The following CTTNBP2NL variants were observed in gnomAD, a reference collection of about 807,000 sequenced individuals.
CTTNBP2NL encodes the protein CTTNBP2 N-terminal like.
A neutral mutation model predicts 32.5 loss-of-function variants in CTTNBP2NL; 16 were observed. The ratio of observed to expected loss-of-function variants is 0.49; its 90% CI spans 0.33 to 0.75. The LOEUF (loss-of-function observed/expected upper bound fraction) is 0.75. CTTNBP2NL is among the 30% of genes least tolerant of loss of function. CTTNBP2NL has a pLI of 0.02. For missense variants in CTTNBP2NL, 645 were observed against 756.0 expected (o/e 0.85, Z 1.72); for synonymous variants, 298 against 289.4 (o/e 1.03, Z -0.30).
chr1:112,435,111 C>T (rs540191462), intron 3 of CTTNBP2NL, among the ~76,000 whole-genome samples: 1 of 141,346 alleles, frequency 7.1e-6, no homozygotes, highest in East Asian at 2.1e-4. Context: ...CCATTGCACT[C>T]CAGCCTGGGC....
At chr1:112,418,078 A>G (rs1649117075) in intron 3 of CTTNBP2NL, among the ~76,000 whole-genome samples, 2 of 152,172 alleles carry the variant, frequency 1.3e-5, no homozygotes, top group South Asian at 2.1e-4. Flanking sequence ...AGTAAAAAAA[A>G]GCTTATCTTT....
At chr1:112,391,269 G>A (rs898025604), upstream of CTTNBP2NL, among the ~76,000 whole-genome samples, 1 of 152,200 alleles carries the variant, frequency 6.6e-6, no homozygotes, top group African/African-American at 2.4e-5. Flanking sequence ...CATCAACCCC[G>A]GGGAGAAGGG....
At chr1:112,399,807 A>T (rs1648441849) in intron 1 of CTTNBP2NL, among the ~76,000 whole-genome samples, 1 of 152,188 alleles carries the variant, frequency 6.6e-6, no homozygotes, top group South Asian at 2.1e-4. Flanking sequence ...GGTGGCTCAC[A>T]CCTGTAATCC....
intron 3 of CTTNBP2NL, among the ~76,000 whole-genome samples, chr1:112,439,899 A>G (rs1649848625): frequency 6.6e-6 from 1 of 152,176 alleles, no homozygotes; most frequent in Non-Finnish European, 1.5e-5. Flanking sequence ...GAAAATTCCA[A>G]TCTCAAATAA....
chr1:112,447,481 G>A (rs1650085512), intron 3 of CTTNBP2NL, among the ~76,000 whole-genome samples: 1 of 151,896 alleles, frequency 6.6e-6, no homozygotes, highest in Non-Finnish European at 1.5e-5. Context: ...AAGTAAGATG[G>A]CTGCAGTCAA....
At chr1:112,454,591 C>A in intron 5 of CTTNBP2NL, 35 bp downstream of exon 5, 1 of 1,404,508 alleles carries the variant, frequency 7.1e-7, no homozygotes, top group Non-Finnish European at 1.0e-6. Context: ...GTAGCATTTG[C>A]CTGGAACAGC....
rs745468247 is a variant in CTTNBP2NL, at chr1:112,457,042, G to A, written c.1550G>A (p.Gly517Glu). 1.9e-6 allele frequency: 3 copies of A among 1,613,982 alleles called. No individual in the cohort carries two copies. The highest frequency in any genetic ancestry group is 4.5e-5 in the East Asian group (2 of 44,868). ...CTCTCCAGATTCACTAGCCAACAAG[G>A]GCCAATCAAGCCAGTCTCTCCCAAC... ...QVLSRFTSQQ[G>E]PIKPVSPNSS... Residue 517 changes from glycine to glutamate, a missense_variant, in exon 6 of 6, where the codon GGG becomes GAG. Physicochemically the swap from Gly to Glu is moderately conservative, Grantham distance 98. Transcript: ENST00000271277.
intron 3 of CTTNBP2NL, among the ~76,000 whole-genome samples, chr1:112,428,093 ACACACACACT>A (rs1431678774): frequency 2.0e-5 from 3 of 152,000 alleles, no homozygotes; most frequent in Non-Finnish European, 4.4e-5. Context: ...ATGTATCCAC[ACACACACACT>A]CACACACATA....
upstream of CTTNBP2NL, among the ~76,000 whole-genome samples, chr1:112,392,247 C>T (rs181691801): frequency 1.3e-5 from 2 of 152,236 alleles, no homozygotes; most frequent in Non-Finnish European, 2.9e-5. Flanking sequence ...CTCTTTGTGC[C>T]TCAATTTCCT....
intron 2 of CTTNBP2NL, among the ~76,000 whole-genome samples, chr1:112,415,474 G>A (rs1005807303): frequency 3.3e-5 from 5 of 151,852 alleles, no homozygotes; most frequent in Non-Finnish European, 5.9e-5. Context: ...TCTTTTGATG[G>A]TCTATCAATT....
chr1:112,454,550 T>G lies in CTTNBP2NL; in HGVS notation c.432T>G (p.Thr144=), dbSNP rs1454188876. The stretch of plus-strand genomic sequence containing the variant: ...TAGAGAAGGAAAGAGAGAGGCTGAC[T>G]CAACAGGTAATTAAGGTAGAGGGAT... ...YMLEKERERL[T]QQLEFEKSQV... is the part of the protein sequence containing the mutation. Residue 144 remains threonine (T), a synonymous_variant, in exon 5 of 6, where the codon ACT becomes ACG. Coordinates refer to ENST00000271277, the MANE Select transcript of CTTNBP2NL (RefSeq NM_018704.3). The G allele has an allele frequency of 2.2e-5, 36 of 1,604,520 alleles. No individual in the cohort carries two copies. The highest frequency in any genetic ancestry group is 3.0e-5 in the Non-Finnish European group (35 of 1,171,362).
intron 1 of CTTNBP2NL, among the ~76,000 whole-genome samples, chr1:112,410,007 A>G (rs1047504685): frequency 6.6e-6 from 1 of 152,210 alleles, no homozygotes; most frequent in South Asian, 2.1e-4. Context: ...TGTCCTGGCT[A>G]TTGGGCTAAG....
In CTTNBP2NL at chr1:112,415,195, C is replaced by CA. The variant is rs952968803; in HGVS notation, c.-9-953dup. Among the ~76,000 whole-genome samples, 40 of 149,082 alleles carry CA rather than the reference C, an allele frequency of 2.7e-4. No homozygotes were observed. The East Asian group carries it at 3.1e-3, about 12-fold the overall frequency. On this transcript the variant is annotated intron_variant, in intron 2 of 5. Transcript: ENST00000271277. Reference sequence around the variant, plus strand: ...GACAGAGCAAGACCCTGTCTTAAAACAAAAAAAAATAAAGATGTTTAAACC... The same window carrying CA: ...GACAGAGCAAGACCCTGTCTTAAAACAAAAAAAAAATAAAGATGTTTAAACC...
intron 5 of CTTNBP2NL, among the ~76,000 whole-genome samples, chr1:112,455,708 T>C (rs2101035415): frequency 6.6e-6 from 1 of 152,338 alleles, no homozygotes; most frequent in South Asian, 2.1e-4. Flanking sequence ...TTCCCACTAA[T>C]CACTGCAAGA....
intron 3 of CTTNBP2NL, among the ~76,000 whole-genome samples, chr1:112,440,028 T>G (rs1218745254): frequency 6.6e-6 from 1 of 152,240 alleles, no homozygotes; most frequent in Non-Finnish European, 1.5e-5. Flanking sequence ...TTTAAGCTCC[T>G]TGAGGGCAGT....
At chr1:112,393,488 T>G (rs1648232378), upstream of CTTNBP2NL, among the ~76,000 whole-genome samples, 1 of 152,256 alleles carries the variant, frequency 6.6e-6, no homozygotes, top group African/African-American at 2.4e-5. Context: ...TATTTTGTTA[T>G]ACAAATCTAA....
At chr1:112,454,969 A>G (rs1167591022) in intron 5 of CTTNBP2NL, among the ~76,000 whole-genome samples, 1 of 152,224 alleles carries the variant, frequency 6.6e-6, no homozygotes, top group Non-Finnish European at 1.5e-5. Context: ...AGACATACAC[A>G]GTTACGCCTG....
At chr1:112,421,110 C>A (rs758436150) in intron 3 of CTTNBP2NL, among the ~76,000 whole-genome samples, 33 of 152,116 alleles carry the variant, frequency 2.2e-4, no homozygotes, top group Non-Finnish European at 4.0e-4. Flanking sequence ...TCCATCCATC[C>A]ATTTAGGAAC....
chr1:112,407,609 GACTTCA>G (rs1648707438), intron 1 of CTTNBP2NL, among the ~76,000 whole-genome samples: 1 of 152,120 alleles, frequency 6.6e-6, no homozygotes, highest in East Asian at 1.9e-4. Flanking sequence ...TGGGGCTTAG[GACTTCA>G]ACATATGAAT....
Sources: gnomAD v4.1 joint callset for allele counts (sites outside exome capture counted in the v4.1 genomes callset) on GRCh38, gnomAD v4.1.1 for gene constraint, MANE v1.5 for transcripts, NCBI Gene and HGNC (gene_info 2026-07-23, HGNC 2026-07-21) for gene names.